Variants in DCUN1D5 observed in about 807,000 individuals in gnomAD.
The protein encoded by DCUN1D5 is defective in cullin neddylation 1 domain containing 5.
A neutral mutation model predicts 38.3 loss-of-function variants in DCUN1D5; 10 were observed. The ratio of observed to expected loss-of-function variants is 0.26; its 90% confidence interval spans 0.16 to 0.44. The LOEUF (loss-of-function observed/expected upper bound fraction) is 0.44, where lower values mean the gene tolerates loss of function less well. Among genes scored for constraint, DCUN1D5 ranks in the 20% least tolerant of loss-of-function variants. The pLI is 1.00. For missense variants in DCUN1D5, 148 were observed against 275.3 expected, an observed-to-expected ratio of 0.54 and a Z score of 3.27; for synonymous variants, 93 against 90.9, an observed-to-expected ratio of 1.02 and a Z score of -0.13.
At chr11:103,080,463 TG>T (rs1862530563) in intron 4 of DCUN1D5, among the ~76,000 whole-genome samples, 1 of 152,096 alleles carries the variant, frequency 6.6e-6, no homozygotes, top group African/African-American at 2.4e-5. Flanking sequence ...CTTGGCCAAT[TG>T]AAGAAAAACA....
chr11:103,068,607 C>G (rs1862194039), intron 4 of DCUN1D5, among the ~76,000 whole-genome samples: 1 of 152,064 alleles, frequency 6.6e-6, no homozygotes, highest in Non-Finnish European at 1.5e-5. Flanking sequence ...ATCACATGTA[C>G]TCACTTATAC....
chr11:103,086,843 A>G lies in DCUN1D5; in HGVS notation c.178+2384T>C, dbSNP rs183051919. Reference sequence around the variant, plus strand: ...TTAAATAAAAAATAAACATAAAATAATATCTATTATAATAAAATGTTTATA... The same window carrying G: ...TTAAATAAAAAATAAACATAAAATAGTATCTATTATAATAAAATGTTTATA... On this transcript the variant is annotated intron_variant, in intron 2 of 7. Coordinates refer to ENST00000260247, the MANE Select transcript of DCUN1D5 (RefSeq NM_032299.4). This position sits in a 1 kb window ranked among gnomAD's most constrained non-coding sequence, Gnocchi z 4.1. Among the ~76,000 whole-genome samples, 3 of 151,904 alleles carry G rather than the reference A, an allele frequency of 2.0e-5. No individual in the cohort carries two copies. Among genetic ancestry groups the G allele is most frequent in the African/African-American group, 4.8e-5 (2 of 41,518 alleles).
Position 103,083,374 on chromosome 11 carries a change from A to G in DCUN1D5, c.179-48T>C. On this transcript the variant is annotated intron_variant, in intron 2 of 7. Coordinates refer to ENST00000260247, the MANE Select transcript of DCUN1D5 (RefSeq NM_032299.4). This position sits in a 1 kb window ranked among gnomAD's most constrained non-coding sequence, Gnocchi z 4.4. ...CATATTTTGTTATAATATCAACATA[A>G]AACATAAATCGTCATGCTAAAGGTA... 1 of 921,670 alleles carries G rather than the reference A, an allele frequency of 1.1e-6. No homozygotes were observed. Among genetic ancestry groups the G allele is most frequent in the Non-Finnish European group, 1.7e-6 (1 of 601,450 alleles). 57.1% of individuals were successfully genotyped at this position (921,670 alleles called of 1,614,324 possible). A position where few individuals can be genotyped will look rare whatever the true frequency, so the allele number is the denominator to read the frequency against.
chr11:103,062,565 G>A lies in DCUN1D5; in HGVS notation c.659-151C>T, dbSNP rs576972501. 2 of 662,366 alleles carry A rather than the reference G, an allele frequency of 3.0e-6. No individual in the cohort carries two copies. The highest frequency in any genetic ancestry group is 3.7e-5 in the African/African-American group (2 of 54,276). 41.0% of individuals were successfully genotyped at this position (662,366 alleles called of 1,614,324 possible). The stretch of plus-strand genomic sequence containing the variant: ...TAGACACCTTATTCCATTTAATGGT[G>A]CTTTCTTATTAGCCTTTTCTTTTTT... On this transcript the variant is annotated intron_variant, in intron 7 of 7. Transcript: ENST00000260247. This position sits in a 1 kb window ranked among gnomAD's most constrained non-coding sequence, Gnocchi z 4.6.
At position 103,063,500 on chromosome 11, in the gene DCUN1D5, A is replaced by C. The variant is rs182267712; in HGVS notation, c.658+775T>G. ...GACAAAATATATGTGGGAAGAAATA[A>C]AGTTATCCCTTCTTCTGTTATTTTA... On this transcript the variant is annotated intron_variant, in intron 7 of 7. Transcript: ENST00000260247. This position sits in a 1 kb window ranked among gnomAD's most constrained non-coding sequence, Gnocchi z 4.6. 6.7e-4 allele frequency among the ~76,000 whole-genome samples: 102 copies of C among 152,156 alleles called. No homozygotes were observed. Among genetic ancestry groups the C allele is most frequent in the Non-Finnish European group, 1.2e-3 (80 of 67,968 alleles).
chr11:103,054,149 C>T lies in DCUN1D5; in HGVS notation c.*8210G>A, dbSNP rs1166391954. On this transcript the variant is annotated 3_prime_UTR_variant, in exon 8 of 8. Transcript: ENST00000260247. ...CAGATAGAGAGAACCTCCCAATTTCCACATCTATGTCTCCTGTTTACTCCA... is the reference window on the plus strand; with the variant it reads ...CAGATAGAGAGAACCTCCCAATTTCTACATCTATGTCTCCTGTTTACTCCA... The T allele has an allele frequency of 1.3e-5, 2 of 152,062 alleles. No individual in the cohort carries two copies. The highest frequency in any genetic ancestry group is 2.9e-5 in the Non-Finnish European group (2 of 67,978). 9.4% of individuals were successfully genotyped at this position (152,062 alleles called of 1,614,324 possible).
chr11:103,089,611 T>C (rs757047746), intron 1 of DCUN1D5, among the ~76,000 whole-genome samples: 3 of 152,168 alleles, frequency 2.0e-5, no homozygotes, highest in Non-Finnish European at 4.4e-5. Context: ...TTCAACCTAG[T>C]AGGTGGGAAA....
intron 4 of DCUN1D5, among the ~76,000 whole-genome samples, chr11:103,069,566 G>A (rs548406002): frequency 2.6e-5 from 4 of 152,270 alleles, no homozygotes; most frequent in African/African-American, 9.6e-5. Context: ...GTAGTAACAA[G>A]CAGCCAATCC....
rs1021777684 is a variant in DCUN1D5 at position 103,051,128 on chromosome 11, G to A, written c.*11231C>T. ...ACCAATTCATACATTGGAAGTTCAA[G>A]AACCAGATTTCCCTTATTCAGTTGG... is the stretch of plus-strand genomic sequence containing the variant. On this transcript the variant is annotated 3_prime_UTR_variant, in exon 8 of 8. Transcript: ENST00000260247. 2 of 152,138 alleles carry A rather than the reference G, an allele frequency of 1.3e-5. No homozygotes were observed. Among genetic ancestry groups the A allele is most frequent in the African/African-American group, 4.8e-5 (2 of 41,424 alleles). The allele number at this position is 152,138 out of a possible 1,614,324, so 9.4% of individuals were successfully genotyped here.
rs1425025467 is a variant in DCUN1D5, at chr11:103,061,798, T to C, written c.*561A>G. Among the ~76,000 whole-genome samples the C allele has an allele frequency of 2.0e-5, 3 of 152,080 alleles. No homozygotes were observed. The highest frequency in any genetic ancestry group is 2.1e-4 in the South Asian group (1 of 4,832). ...CTGCATAAGACCTTGGCAGCTTTTA[T>C]AGAAACCCAGAGCTAAAAGTAGGAG... On this transcript the variant is annotated 3_prime_UTR_variant, in exon 8 of 8. Transcript: ENST00000260247.
chr11:103,083,178 A>C lies in DCUN1D5; in HGVS notation c.249+78T>G. On this transcript the variant is annotated intron_variant, in intron 3 of 7. Transcript: ENST00000260247. The surrounding 1 kb of genome is among the most constrained non-coding windows in gnomAD (Gnocchi z 4.4). Reference sequence around the variant, plus strand: ...AGAAATAAAATCTTCATACAAGATTAAAGTGTCTCGATTTTTAGTAATTTA... The same window carrying C: ...AGAAATAAAATCTTCATACAAGATTCAAGTGTCTCGATTTTTAGTAATTTA... The C allele has an allele frequency of 6.8e-6, 5 of 730,330 alleles. No homozygotes were observed. In the Admixed American group the frequency reaches 7.0e-5, roughly 10 times the overall value. The allele number at this position is 730,330 out of a possible 1,614,324, so 45.2% of individuals were successfully genotyped here.
At chr11:103,089,887 C>A (rs984972791) in intron 1 of DCUN1D5, among the ~76,000 whole-genome samples, 2 of 151,906 alleles carry the variant, frequency 1.3e-5, no homozygotes, top group African/African-American at 4.8e-5. Context: ...TAATAATAGT[C>A]CAAATAATTG....
At chr11:103,072,588 A>C (rs896872916) in intron 4 of DCUN1D5, among the ~76,000 whole-genome samples, 2 of 152,170 alleles carry the variant, frequency 1.3e-5, no homozygotes, top group African/African-American at 4.8e-5. Flanking sequence ...GCCATAAAAA[A>C]GGATGAGTTC....
intron 4 of DCUN1D5, among the ~76,000 whole-genome samples, 182 bp downstream of exon 4, chr11:103,082,566 A>G (rs990986721): frequency 3.3e-4 from 50 of 152,180 alleles, no homozygotes; most frequent in African/African-American, 1.2e-3. Context: ...AATATAAAAC[A>G]TGGGGTACCT....
rs758911429 is a variant in DCUN1D5 at position 103,056,460 on chromosome 11, G to GGCCTCT, written c.*5893_*5898dup. On this transcript the variant is annotated 3_prime_UTR_variant, in exon 8 of 8. Transcript: ENST00000260247. The surrounding 1 kb of genome is among the most constrained non-coding windows in gnomAD (Gnocchi z 4.9). Reference sequence around the variant, plus strand: ...CACTGCACAACCATTCACCTCCTCAGGCCTCTGCTCAATGTCACATATCAG... The same window carrying GGCCTCT: ...CACTGCACAACCATTCACCTCCTCAGGCCTCTGCCTCTGCTCAATGTCACATATCAG... Among the ~76,000 whole-genome samples the GGCCTCT allele has an allele frequency of 2.2e-4, 34 of 152,194 alleles. No individual in the cohort carries two copies. Among genetic ancestry groups the GGCCTCT allele is most frequent in the Non-Finnish European group, 4.6e-4 (31 of 68,004 alleles).
At chr11:103,075,925 T>C (rs1291750339) in intron 4 of DCUN1D5, among the ~76,000 whole-genome samples, 1 of 152,228 alleles carries the variant, frequency 6.6e-6, no homozygotes, top group East Asian at 1.9e-4. Flanking sequence ...TTATTCATTA[T>C]GTGAAAAATA....
At chr11:103,072,353 GA>G (rs1565288005) in intron 4 of DCUN1D5, among the ~76,000 whole-genome samples, 3 of 151,416 alleles carry the variant, frequency 2.0e-5, no homozygotes, top group Admixed American at 6.6e-5. Flanking sequence ...TCTAGATCTA[GA>G]TCTAGATCTA....
chr11:103,069,721 C>G (rs985351496), intron 4 of DCUN1D5, among the ~76,000 whole-genome samples: 19 of 152,234 alleles, frequency 1.2e-4, no homozygotes, highest in African/African-American at 4.6e-4. Flanking sequence ...CTCATCCCTG[C>G]CCAGCAGTCA....
chr11:103,059,743 G>A lies in DCUN1D5; in HGVS notation c.*2616C>T, dbSNP rs1483164375. Among the ~76,000 whole-genome samples, 3 of 147,114 alleles carry A rather than the reference G, an allele frequency of 2.0e-5. No individual in the cohort carries two copies. The highest frequency in any genetic ancestry group is 7.5e-5 in the African/African-American group (3 of 39,798). ...TACCTTATTAAGAATTATTGGCCCCGAGGAGTGGGGGGGTGGGGGGGTTGC... is the reference window on the plus strand; with the variant it reads ...TACCTTATTAAGAATTATTGGCCCCAAGGAGTGGGGGGGTGGGGGGGTTGC... On this transcript the variant is annotated 3_prime_UTR_variant, in exon 8 of 8. Coordinates refer to ENST00000260247, the MANE Select transcript of DCUN1D5 (RefSeq NM_032299.4).
Sources: allele counts gnomAD v4.1 joint callset (sites outside exome capture counted in the v4.1 genomes callset), GRCh38; gene constraint gnomAD v4.1.1; non-coding constraint Gnocchi (gnomAD v3.1); transcripts MANE v1.5; gene names NCBI Gene and HGNC (gene_info 2026-07-23, HGNC 2026-07-21).